The following EXOC4 variants were observed in gnomAD, a reference collection of about 807,000 sequenced individuals.
EXOC4 encodes the protein SEC8-like 1.
Under a neutral mutation model 107.2 loss-of-function variants are expected in EXOC4, and 71 were observed. The ratio of observed to expected loss-of-function variants is 0.66; its 90% CI spans 0.55 to 0.81. The LOEUF is 0.81. EXOC4 is among the 30% of genes least tolerant of loss of function. The pLI is 0.00. For missense variants in EXOC4, 1,108 were observed against 1,189.6 expected, an observed-to-expected ratio of 0.93 and a Z score of 1.01; for synonymous variants, 456 against 441.2, an observed-to-expected ratio of 1.03 and a Z score of -0.42.
At chr7:133,834,617 T>G (rs902221210) in intron 11 of EXOC4, among the ~76,000 whole-genome samples, 8 of 152,190 alleles carry the variant, frequency 5.3e-5, no homozygotes, top group African/African-American at 1.7e-4. Flanking sequence ...GCGTTATTCC[T>G]AACAAGAATT....
intron 7 of EXOC4, among the ~76,000 whole-genome samples, chr7:133,394,606 G>A (rs567638528): frequency 1.3e-5 from 2 of 152,286 alleles, no homozygotes; most frequent in East Asian, 3.9e-4. Context: ...AGGTGCTATA[G>A]AAATGTAAGG....
At chr7:133,507,755 A>G (rs1584965623) in intron 9 of EXOC4, among the ~76,000 whole-genome samples, 2 of 152,192 alleles carry the variant, frequency 1.3e-5, no homozygotes, top group Admixed American at 6.5e-5. Context: ...GTTAAGTTAT[A>G]AACTGCAGCG....
chr7:133,549,564 T>C (rs111291645), intron 9 of EXOC4, among the ~76,000 whole-genome samples: 3 of 151,984 alleles, frequency 2.0e-5, no homozygotes, highest in African/African-American at 7.3e-5. Flanking sequence ...AGGATAGATA[T>C]AATAATAATG....
chr7:133,266,962 A>C (rs1179526220), intron 1 of EXOC4, among the ~76,000 whole-genome samples: 1 of 152,136 alleles, frequency 6.6e-6, no homozygotes, highest in Admixed American at 6.5e-5. Flanking sequence ...GGAAGCTCAG[A>C]TTTAGTTTGG....
At chr7:133,457,234 G>A (rs1798483975) in intron 7 of EXOC4, among the ~76,000 whole-genome samples, 1 of 152,160 alleles carries the variant, frequency 6.6e-6, no homozygotes, top group African/African-American at 2.4e-5. Flanking sequence ...ACACAGGAGA[G>A]GTCAGTCTGA....
downstream of EXOC4, among the ~76,000 whole-genome samples, chr7:134,067,149 C>CAAAAA (rs10597442): frequency 1.3e-4 from 16 of 121,952 alleles, no homozygotes; most frequent in African/African-American, 2.4e-4. Flanking sequence ...CACTCTGTCT[C>CAAAAA]AAAAAAAAAA....
At chr7:133,455,149 ATAAC>A (rs778886288) in intron 7 of EXOC4, among the ~76,000 whole-genome samples, 1 of 152,252 alleles carries the variant, frequency 6.6e-6, no homozygotes, top group South Asian at 2.1e-4. Flanking sequence ...ATTAACAACA[ATAAC>A]TAATAATAGA....
At chr7:133,619,360 C>T (rs970714840) in intron 9 of EXOC4, among the ~76,000 whole-genome samples, 9 of 152,122 alleles carry the variant, frequency 5.9e-5, no homozygotes, top group Admixed American at 3.3e-4. Flanking sequence ...CACCTCTGTG[C>T]GTGAAGACAA....
chr7:133,425,941 C>T (rs896967380), intron 7 of EXOC4, among the ~76,000 whole-genome samples: 2 of 152,164 alleles, frequency 1.3e-5, no homozygotes, highest in Non-Finnish European at 2.9e-5. Flanking sequence ...GTTATATTTC[C>T]TAAATGTATT....
intron 2 of EXOC4, among the ~76,000 whole-genome samples, chr7:133,282,286 G>T (rs968176424): frequency 1.3e-5 from 2 of 152,090 alleles, no homozygotes; most frequent in African/African-American, 4.8e-5. Flanking sequence ...CCTCTAGTTA[G>T]GGTGACTTGC....
intron 17 of EXOC4, among the ~76,000 whole-genome samples, chr7:134,044,149 CAA>C: frequency 6.6e-6 from 1 of 152,162 alleles, no homozygotes; most frequent in East Asian, 1.9e-4. Context: ...AGAGTTTGCT[CAA>C]AAGAGTCCTT....
At chr7:133,936,283 C>T (rs986464953) in intron 13 of EXOC4, among the ~76,000 whole-genome samples, 2 of 152,140 alleles carry the variant, frequency 1.3e-5, no homozygotes, top group African/African-American at 2.4e-5. Context: ...GGAGGCTAGT[C>T]GTGACTCATT....
chr7:133,671,508 A>G (rs1011530691), intron 10 of EXOC4, among the ~76,000 whole-genome samples: 1 of 152,220 alleles, frequency 6.6e-6, no homozygotes, highest in Non-Finnish European at 1.5e-5. Flanking sequence ...CAGAGGTTGC[A>G]GTGAGCCAAG....
chr7:133,505,800 G>A (rs1042049165), intron 9 of EXOC4, among the ~76,000 whole-genome samples: 11 of 152,100 alleles, frequency 7.2e-5, no homozygotes, highest in African/African-American at 2.4e-4. Context: ...GTAAAAAAAA[G>A]TTATAAATGA....
At chr7:133,625,451 C>G (rs767901267) in intron 9 of EXOC4, among the ~76,000 whole-genome samples, 1 of 152,218 alleles carries the variant, frequency 6.6e-6, no homozygotes, top group Admixed American at 6.5e-5. Flanking sequence ...TTTGATTCTT[C>G]CCTCTGTTCC....
chr7:133,605,354 A>G (rs569306766), intron 9 of EXOC4, among the ~76,000 whole-genome samples: 317 of 152,264 alleles, frequency 2.1e-3, no homozygotes, highest in African/African-American at 7.3e-3. Flanking sequence ...ATCTATTTCT[A>G]TCATTTTTAT....
intron 10 of EXOC4, among the ~76,000 whole-genome samples, chr7:133,635,810 A>C (rs1254096376): frequency 1.3e-5 from 2 of 152,204 alleles, no homozygotes; most frequent in African/African-American, 4.8e-5. Flanking sequence ...TTCCCTGTGC[A>C]CTGGGACAGA....
chr7:133,790,387 A>G (rs1037284622), intron 10 of EXOC4, among the ~76,000 whole-genome samples: 1 of 152,232 alleles, frequency 6.6e-6, no homozygotes, highest in African/African-American at 2.4e-5. Context: ...GTTGCTAAGC[A>G]CTGAGTAGGC....
intron 10 of EXOC4, among the ~76,000 whole-genome samples, chr7:133,811,112 C>T (rs953926918): frequency 8.5e-5 from 13 of 152,108 alleles, no homozygotes; most frequent in Admixed American, 5.9e-4. Flanking sequence ...TCTTTACTCT[C>T]ATAGTCTCTT....
Sources: allele counts gnomAD v4.1 joint callset (sites outside exome capture counted in the v4.1 genomes callset), GRCh38; gene constraint gnomAD v4.1.1; transcripts MANE v1.5; gene names NCBI Gene and HGNC (gene_info 2026-07-23, HGNC 2026-07-21).